PCDH15: variants seen among roughly 807,000 people sequenced by gnomAD.
PCDH15 encodes protocadherin related 15, also known as protocadherin-15.
PCDH15 carries 129 observed loss-of-function variants against 178.5 expected under a neutral mutation model. That is an observed-to-expected ratio of 0.72 (90% CI 0.63 to 0.84). The LOEUF (loss-of-function observed/expected upper bound fraction) is 0.84, where lower values mean the gene tolerates loss of function less well. Ranked by LOEUF, PCDH15 falls within the 40% of genes least tolerant of loss-of-function variation. The probability of loss-of-function intolerance (pLI) is 0.00; values close to 1 mark genes in which losing one functional copy is unlikely to be tolerated. For missense variants in PCDH15, 2,230 were observed against 2,099.9 expected (o/e 1.06, Z -1.21); for synonymous variants, 800 against 732.0 (o/e 1.09, Z -1.50).
intron 1 of PCDH15, among the ~76,000 whole-genome samples, chr10:54,781,561 T>G: frequency 6.6e-6 from 1 of 152,154 alleles, no homozygotes; most frequent in East Asian, 1.9e-4. Context: ...AAGCTAGTAA[T>G]TGAAATGAAG....
At chr10:54,466,550 A>G (rs1024366809) in intron 3 of PCDH15, among the ~76,000 whole-genome samples, 7 of 152,002 alleles carry the variant, frequency 4.6e-5, no homozygotes, top group African/African-American at 7.2e-5. Context: ...CTGTTTTTGT[A>G]TCAACATTAT....
At chr10:54,533,896 T>G (rs1201173714) in intron 2 of PCDH15, among the ~76,000 whole-genome samples, 2 of 152,164 alleles carry the variant, frequency 1.3e-5, no homozygotes, top group Non-Finnish European at 2.9e-5. Context: ...TTATAGTGGT[T>G]GTGAACATGT....
intron 12 of PCDH15, 47 bp downstream of exon 12, chr10:54,185,087 A>G (rs2048369062): frequency 6.3e-7 from 1 of 1,598,526 alleles, no homozygotes; most frequent in East Asian, 2.2e-5. Context: ...AAACATACAT[A>G]CATACATTCA....
chr10:54,056,217 G>A (rs2093883659), intron 18 of PCDH15, among the ~76,000 whole-genome samples: 1 of 152,152 alleles, frequency 6.6e-6, no homozygotes. Flanking sequence ...ATCACTTAGA[G>A]TATTTACCAT....
chr10:55,354,612 T>A (rs1845029144), intron 2 of PCDH15, among the ~76,000 whole-genome samples: 1 of 152,108 alleles, frequency 6.6e-6, no homozygotes, highest in African/African-American at 2.4e-5. Context: ...TATAAATTCC[T>A]GAGTCTATAT....
At chr10:54,445,856 C>G (rs1190423199) in intron 3 of PCDH15, among the ~76,000 whole-genome samples, 1 of 151,468 alleles carries the variant, frequency 6.6e-6, no homozygotes, top group African/African-American at 2.4e-5. Flanking sequence ...TTGTGATCTT[C>G]TTTTCCAAAA....
intron 2 of PCDH15, among the ~76,000 whole-genome samples, chr10:55,086,375 T>C (rs990755669): frequency 1.3e-4 from 20 of 152,032 alleles, no homozygotes; most frequent in African/African-American, 4.8e-4. Flanking sequence ...CTATGATCAG[T>C]AAAAAGTGAT....
intron 6 of PCDH15, among the ~76,000 whole-genome samples, chr10:54,345,657 G>A (rs760183321): frequency 4.6e-5 from 7 of 151,374 alleles, no homozygotes; most frequent in Non-Finnish European, 7.4e-5. Context: ...CGAGGCAGGC[G>A]GATCACGAGG....
chr10:55,322,873 A>G (rs1042122997), upstream of PCDH15, among the ~76,000 whole-genome samples: 1 of 152,102 alleles, frequency 6.6e-6, no homozygotes, highest in Non-Finnish European at 1.5e-5. Flanking sequence ...GTTAATCACC[A>G]AGGTAATAGG....
rs750274894 is a variant in PCDH15 at position 53,822,100 on chromosome 10, G to A, written c.4368-1870C>T. 5 of 1,613,844 alleles carry A rather than the reference G, an allele frequency of 3.1e-6. No homozygotes were observed. In the East Asian group the frequency reaches 1.1e-4, roughly 36 times the overall value. ...CTGAGGATGCCTTTTGGTTCTCTCT[G>A]AGGGTCTGTTTTACACACTGTCGTT... On this transcript the variant is annotated intron_variant, in intron 32 of 37. Transcript: ENST00000644397.
chr10:55,442,284 G>A (rs1025333009), intron 2 of PCDH15, among the ~76,000 whole-genome samples: 1 of 150,882 alleles, frequency 6.6e-6, no homozygotes, highest in African/African-American at 2.4e-5. Flanking sequence ...ACTTATTCTA[G>A]GATTGCATGC....
At chr10:54,563,593 G>T (rs2088551416) in intron 2 of PCDH15, among the ~76,000 whole-genome samples, 1 of 152,116 alleles carries the variant, frequency 6.6e-6, no homozygotes, top group African/African-American at 2.4e-5. Flanking sequence ...TCAGACAAAG[G>T]TTCTCTATAA....
chr10:54,080,790 C>T (rs2094426226), intron 16 of PCDH15, among the ~76,000 whole-genome samples: 1 of 152,080 alleles, frequency 6.6e-6, no homozygotes. Context: ...AAACCAGTTC[C>T]CAGAGCATGT....
intron 13 of PCDH15, among the ~76,000 whole-genome samples, chr10:54,177,724 C>G (rs1010198378): frequency 2.6e-5 from 4 of 152,128 alleles, no homozygotes; most frequent in African/African-American, 7.2e-5. Flanking sequence ...AGGTGCCTAT[C>G]CTGCTGCCTG....
chr10:53,843,745 T>A (rs1171526488), intron 28 of PCDH15, among the ~76,000 whole-genome samples: 2 of 152,148 alleles, frequency 1.3e-5, no homozygotes, highest in Non-Finnish European at 1.5e-5. Flanking sequence ...ATGAAAAAAA[T>A]TAAATTGGAT....
chr10:54,664,454 G>C (rs916265167), intron 1 of PCDH15, among the ~76,000 whole-genome samples, 164 bp from the exon 2 acceptor site: 5 of 151,986 alleles, frequency 3.3e-5, no homozygotes, highest in African/African-American at 4.8e-5. Flanking sequence ...CACTGGAACT[G>C]TTTATCAACA....
intron 25 of PCDH15, among the ~76,000 whole-genome samples, chr10:53,935,266 G>C (rs2134018831): frequency 6.6e-6 from 1 of 152,248 alleles, no homozygotes; most frequent in East Asian, 1.9e-4. Flanking sequence ...CCAAAACATA[G>C]GAAATAGTGT....
intron 1 of PCDH15, among the ~76,000 whole-genome samples, chr10:55,274,220 T>C (rs534863462): frequency 1.3e-5 from 2 of 152,186 alleles, no homozygotes; most frequent in South Asian, 4.1e-4. Flanking sequence ...GCAATACTGA[T>C]TGAATAGACC....
intron 2 of PCDH15, among the ~76,000 whole-genome samples, chr10:55,129,901 A>G (rs975264456): frequency 6.6e-6 from 1 of 152,160 alleles, no homozygotes; most frequent in Admixed American, 6.5e-5. Context: ...GCTATATAAT[A>G]TACAATAAAT....
Sources: gnomAD v4.1 joint callset for allele counts (sites outside exome capture counted in the v4.1 genomes callset) on GRCh38, gnomAD v4.1.1 for gene constraint, MANE v1.5 for transcripts, NCBI Gene and HGNC (gene_info 2026-07-23, HGNC 2026-07-21) for gene names.